The following TENM4 variants were observed in gnomAD, a reference collection of about 807,000 sequenced individuals.
TENM4 encodes the protein teneurin-4.
A neutral mutation model predicts 243.3 loss-of-function variants in TENM4; 82 were observed. That is an observed-to-expected ratio of 0.34 (90% CI 0.28 to 0.40). TENM4 has a LOEUF of 0.40. Among genes scored for constraint, TENM4 ranks in the 10% least tolerant of loss-of-function variants. The probability of loss-of-function intolerance (pLI) is 1.00; values close to 1 mark genes in which losing one functional copy is unlikely to be tolerated. For missense variants in TENM4, 3,138 were observed against 3,673.3 expected (o/e 0.85, Z 3.77); for synonymous variants, 1,412 against 1,456.3 (o/e 0.97, Z 0.69).
intron 1 of TENM4, among the ~76,000 whole-genome samples, chr11:79,385,492 A>G (rs1341078037): frequency 6.6e-6 from 1 of 152,232 alleles, no homozygotes; most frequent in Middle Eastern, 3.2e-3. Flanking sequence ...AGATGAGAGT[A>G]TATATGGATT....
At chr11:78,829,628 T>C (rs1857932244) in intron 12 of TENM4, among the ~76,000 whole-genome samples, 1 of 152,210 alleles carries the variant, frequency 6.6e-6, no homozygotes, top group South Asian at 2.1e-4. Flanking sequence ...CTGGGGGTTC[T>C]AATTCTACTT....
At chr11:78,938,160 C>G (rs1481758706) in intron 6 of TENM4, among the ~76,000 whole-genome samples, 1 of 152,194 alleles carries the variant, frequency 6.6e-6, no homozygotes, top group Admixed American at 6.5e-5. Context: ...AACTCTTTAG[C>G]CTGATATTCA....
intron 6 of TENM4, among the ~76,000 whole-genome samples, chr11:79,052,729 C>T (rs746629058): frequency 6.6e-6 from 1 of 152,200 alleles, no homozygotes; most frequent in South Asian, 2.1e-4. Flanking sequence ...GCTGGCCTCT[C>T]AGCCAATGGC....
chr11:79,202,345 G>A (rs538978564), intron 3 of TENM4, among the ~76,000 whole-genome samples: 1 of 152,286 alleles, frequency 6.6e-6, no homozygotes. Context: ...GCTCCAAAAT[G>A]AACAACAGTA....
intron 2 of TENM4, among the ~76,000 whole-genome samples, chr11:79,233,378 G>A (rs368084747): frequency 6.6e-6 from 1 of 152,196 alleles, no homozygotes; most frequent in East Asian, 1.9e-4. Flanking sequence ...TACAGAAGAT[G>A]GGGGCAGAAA....
intron 4 of TENM4, among the ~76,000 whole-genome samples, chr11:79,122,141 A>C (rs75566717): frequency 8.4e-4 from 128 of 152,248 alleles, no homozygotes; most frequent in African/African-American, 3.0e-3. Flanking sequence ...TTCTTCCTAC[A>C]GTGGGCCTTG....
chr11:79,390,743 C>G (rs981789909), intron 1 of TENM4, among the ~76,000 whole-genome samples: 2 of 152,186 alleles, frequency 1.3e-5, no homozygotes, highest in Admixed American at 6.5e-5. Context: ...GACCTCACTC[C>G]AAGATCCTTG....
At chr11:79,015,477 AGTGTGTGTGT>A (rs113872101) in intron 6 of TENM4, among the ~76,000 whole-genome samples, 44 of 147,252 alleles carry the variant, frequency 3.0e-4, no homozygotes, top group Middle Eastern at 3.5e-3. Context: ...AAAGTCATTT[AGTGTGTGTGT>A]GTGTGTGTGT....
intron 12 of TENM4, among the ~76,000 whole-genome samples, chr11:78,849,184 C>G (rs1303312322): frequency 6.6e-6 from 1 of 152,164 alleles, no homozygotes; most frequent in Admixed American, 6.5e-5. Context: ...TGAAAACGAA[C>G]TTGTTAGGTC....
At chr11:78,954,779 T>C (rs1008291304) in intron 6 of TENM4, among the ~76,000 whole-genome samples, 1 of 152,214 alleles carries the variant, frequency 6.6e-6, no homozygotes, top group African/African-American at 2.4e-5. Flanking sequence ...TAAAGGAACA[T>C]AAATAACCAT....
intron 4 of TENM4, among the ~76,000 whole-genome samples, chr11:79,129,800 A>C (rs968186798): frequency 6.6e-6 from 1 of 151,872 alleles, no homozygotes; most frequent in Non-Finnish European, 1.5e-5. Flanking sequence ...TTTCGTACCC[A>C]CCCTGGTAGT....
intron 28 of TENM4, among the ~76,000 whole-genome samples, chr11:78,699,996 G>A (rs1300240138): frequency 6.6e-6 from 1 of 152,130 alleles, no homozygotes; most frequent in African/African-American, 2.4e-5. Context: ...CTGGATCTTT[G>A]TCTTTTCTTT....
chr11:79,373,270 G>A (rs550059464), intron 1 of TENM4, among the ~76,000 whole-genome samples: 1 of 150,564 alleles, frequency 6.6e-6, no homozygotes, highest in African/African-American at 2.4e-5. Context: ...GAATAAAGGT[G>A]TAGATGGATG....
At chr11:79,298,472 G>A (rs911078381) in intron 1 of TENM4, among the ~76,000 whole-genome samples, 7 of 136,028 alleles carry the variant, frequency 5.1e-5, no homozygotes, top group South Asian at 2.4e-4. Flanking sequence ...CCGAGATTGC[G>A]CCACTGCAGT....
chr11:79,318,467 G>A lies in TENM4; in HGVS notation c.-320-20924C>T, dbSNP rs185828430. ...ATATTTGACAACTGACTTTCCAGAAGAGGGGAAAAAAAAGGCTTGATTTGT... is the reference window on the plus strand; with the variant it reads ...ATATTTGACAACTGACTTTCCAGAAAAGGGGAAAAAAAAGGCTTGATTTGT... On this transcript the variant is annotated intron_variant, in intron 1 of 33. Transcript: ENST00000278550. Among the ~76,000 whole-genome samples, 4 of 152,190 alleles carry A rather than the reference G, an allele frequency of 2.6e-5. No homozygotes were observed. The East Asian group carries it at 5.8e-4, about 22-fold the overall frequency.
At chr11:78,762,668 A>G (rs1443914462) in intron 18 of TENM4, among the ~76,000 whole-genome samples, 1 of 152,252 alleles carries the variant, frequency 6.6e-6, no homozygotes, top group Non-Finnish European at 1.5e-5. Flanking sequence ...GCAATCCTGT[A>G]TAAATGAGAC....
At chr11:79,390,503 A>G (rs781642394) in intron 1 of TENM4, among the ~76,000 whole-genome samples, 78 of 152,202 alleles carry the variant, frequency 5.1e-4, no homozygotes, top group Non-Finnish European at 1.0e-3. Context: ...ATCACCCACT[A>G]TAACAGTCAG....
intron 3 of TENM4, among the ~76,000 whole-genome samples, chr11:79,190,269 G>A (rs938209546): frequency 3.9e-5 from 6 of 152,166 alleles, no homozygotes; most frequent in Non-Finnish European, 8.8e-5. Flanking sequence ...ATTGCCCTGG[G>A]CACTGTGTTT....
intron 7 of TENM4, among the ~76,000 whole-genome samples, chr11:78,898,934 A>T (rs1301726182): frequency 6.6e-6 from 1 of 152,204 alleles, no homozygotes; most frequent in Non-Finnish European, 1.5e-5. Context: ...CATTTACTAT[A>T]TGCTAAGACA....
Sources: gnomAD v4.1 joint callset for allele counts (sites outside exome capture counted in the v4.1 genomes callset) on GRCh38, gnomAD v4.1.1 for gene constraint, MANE v1.5 for transcripts, NCBI Gene and HGNC (gene_info 2026-07-23, HGNC 2026-07-21) for gene names.